Variants in UPP2 observed in about 807,000 individuals in gnomAD.
The protein encoded by UPP2 is UPase 2.
In UPP2, 23 loss-of-function variants were observed where a neutral mutation model predicts 26.7. The ratio of observed to expected loss-of-function variants is 0.86; its 90% confidence interval spans 0.62 to 1.22. UPP2 has a LOEUF of 1.22. Among genes scored for constraint, UPP2 ranks in the 50% most tolerant of loss-of-function variants. UPP2 has a pLI of 0.00. For synonymous variants in UPP2, 127 were observed against 141.3 expected (o/e 0.90, Z 0.72); for missense variants, 387 against 396.7 (o/e 0.98, Z 0.21).
Position 158,094,670 on chromosome 2 carries a change from A to C in UPP2, c.148-7370A>C, listed in dbSNP as rs544341989. On this transcript the variant is annotated intron_variant, in intron 3 of 9. Coordinates refer to the UPP2 transcript ENST00000605860. The stretch of plus-strand genomic sequence containing the variant: ...ACTCAGCTAAACCTAAATTAGAATC[A>C]GTCAGCTTTGAAATTTCATGACTTT... Among the ~76,000 whole-genome samples the C allele has an allele frequency of 1.2e-4, 19 of 152,346 alleles. No individual in the cohort carries two copies. In the South Asian group the frequency reaches 3.7e-3, roughly 30 times the overall value.
intron 3 of UPP2, among the ~76,000 whole-genome samples, chr2:158,021,801 T>C (rs1683756595): frequency 6.6e-6 from 1 of 152,120 alleles, no homozygotes. Flanking sequence ...TGGGGAGACA[T>C]AAAAGACAAA....
intron 1 of UPP2, among the ~76,000 whole-genome samples, chr2:158,105,569 T>C (rs1410807766): frequency 6.6e-6 from 1 of 152,238 alleles, no homozygotes; most frequent in African/African-American, 2.4e-5. Context: ...CTGATTGTTA[T>C]GCATGCTACA....
intron 3 of UPP2, among the ~76,000 whole-genome samples, chr2:158,091,021 G>A (rs1199106999): frequency 6.6e-6 from 1 of 152,180 alleles, no homozygotes; most frequent in Non-Finnish European, 1.5e-5. Context: ...TTGTCTCTGT[G>A]GCACGTGGGT....
At chr2:158,038,913 A>G (rs951637831) in intron 3 of UPP2, among the ~76,000 whole-genome samples, 3 of 152,196 alleles carry the variant, frequency 2.0e-5, no homozygotes, top group Non-Finnish European at 4.4e-5. Context: ...CGGGGCATCC[A>G]TAATTTTCCC....
At chr2:158,068,752 GCATT>G (rs1232731711) in intron 3 of UPP2, among the ~76,000 whole-genome samples, 29 of 104,752 alleles carry the variant, frequency 2.8e-4, no homozygotes, top group African/African-American at 7.7e-4. Context: ...CTTCCTTAAA[GCATT>G]CAAATTCAAA....
intron 3 of UPP2, among the ~76,000 whole-genome samples, chr2:158,068,463 C>A (rs1202240618): frequency 6.6e-6 from 1 of 151,846 alleles, no homozygotes; most frequent in East Asian, 1.9e-4. Context: ...TACAAACAGC[C>A]CAAATTCAAA....
intron 5 of UPP2, among the ~76,000 whole-genome samples, chr2:158,123,499 G>C (rs1284203009): frequency 6.6e-6 from 1 of 152,144 alleles, no homozygotes; most frequent in East Asian, 1.9e-4. Flanking sequence ...CCACTCAACA[G>C]TTACTGACCC....
chr2:158,083,867 T>TATATA (rs1553467792), intron 3 of UPP2, among the ~76,000 whole-genome samples: 55 of 145,876 alleles, frequency 3.8e-4, no homozygotes, highest in African/African-American at 1.2e-3. Context: ...TATATGTTTT[T>TATATA]TATATATATA....
chr2:158,060,049 C>G (rs75176344), intron 3 of UPP2, among the ~76,000 whole-genome samples: 3,797 of 152,142 alleles, frequency 0.025, 158 homozygotes, highest in African/African-American at 0.087. Context: ...ATTAAATGCA[C>G]GCTATTTTCA....
At position 157,995,880 on chromosome 2, in the gene UPP2, ATTG is replaced by A. The variant is rs368575939; in HGVS notation, c.61+626_61+628del. ...CTGTGTTTTTTTTTCTATGAAGTCC[ATTG>A]TTGTAAAAAAATCTGATTATTTTCT... On this transcript the variant is annotated intron_variant, in intron 2 of 9. Transcript: ENST00000605860. 2.6e-3 allele frequency among the ~76,000 whole-genome samples: 396 copies of A among 152,042 alleles called. 4 individuals carry two copies. The highest frequency in any genetic ancestry group is 8.5e-3 in the African/African-American group (351 of 41,490).
At chr2:158,105,308 A>C (rs1014093224) in intron 1 of UPP2, among the ~76,000 whole-genome samples, 1 of 152,104 alleles carries the variant, frequency 6.6e-6, no homozygotes, top group African/African-American at 2.4e-5. Flanking sequence ...AAGAAAAGGG[A>C]GGAAGGATTG....
chr2:158,012,105 G>C (rs1683588470), intron 2 of UPP2, among the ~76,000 whole-genome samples: 1 of 151,960 alleles, frequency 6.6e-6, no homozygotes, highest in Admixed American at 6.6e-5. Flanking sequence ...CTCACTCTCT[G>C]AGCCTCCCTG....
At chr2:158,062,882 G>A (rs1333634416) in intron 3 of UPP2, among the ~76,000 whole-genome samples, 1 of 152,182 alleles carries the variant, frequency 6.6e-6, no homozygotes, top group Non-Finnish European at 1.5e-5. Flanking sequence ...TTTATGAGAG[G>A]TGTGAAACTT....
At chr2:158,019,295 G>A (rs1683709447) in intron 3 of UPP2, among the ~76,000 whole-genome samples, 1 of 152,148 alleles carries the variant, frequency 6.6e-6, no homozygotes, top group Non-Finnish European at 1.5e-5. Context: ...AAAGAGGCAA[G>A]TTGGTGGGAT....
Position 158,113,409 on chromosome 2 carries a change from A to C in UPP2, c.181-1692A>C, listed in dbSNP as rs138227017. ...CTAAGAATTATCAATAACTAGTTTA[A>C]AACTCACCTGAAACCATGGTCTTAA... is the stretch of plus-strand genomic sequence containing the variant. On this transcript the variant is annotated intron_variant, in intron 2 of 6. Coordinates refer to ENST00000005756, the MANE Select transcript of UPP2 (RefSeq NM_173355.4). Among the ~76,000 whole-genome samples, 120 of 152,350 alleles carry C rather than the reference A, an allele frequency of 7.9e-4. 2 individuals are homozygous for C. The highest frequency in any genetic ancestry group is 2.6e-3 in the African/African-American group (109 of 41,582).
intron 3 of UPP2, among the ~76,000 whole-genome samples, chr2:158,072,768 G>T (rs76028854): frequency 6.6e-6 from 1 of 152,134 alleles, no homozygotes; most frequent in Non-Finnish European, 1.5e-5. Flanking sequence ...AGAACACCAA[G>T]GTGGTAACTC....
At chr2:158,120,066 G>C (rs919055350) in intron 4 of UPP2, among the ~76,000 whole-genome samples, 4 of 151,382 alleles carry the variant, frequency 2.6e-5, no homozygotes, top group Admixed American at 2.6e-4. Flanking sequence ...ACCCAACAAG[G>C]CTCTATTATC....
At chr2:158,131,735 T>C (rs976718218) in intron 6 of UPP2, among the ~76,000 whole-genome samples, 10 of 152,190 alleles carry the variant, frequency 6.6e-5, no homozygotes, top group Admixed American at 5.9e-4. Flanking sequence ...CTGCCTAATC[T>C]GAGGATTTTG....
intron 2 of UPP2, among the ~76,000 whole-genome samples, chr2:157,995,627 TA>T (rs75924410): frequency 2.0e-5 from 3 of 151,014 alleles, no homozygotes; most frequent in Admixed American, 6.6e-5. Context: ...ACATAATTTT[TA>T]AAAAAAAATA....
Sources: gnomAD v4.1 joint callset for allele counts (sites outside exome capture counted in the v4.1 genomes callset) on GRCh38, gnomAD v4.1.1 for gene constraint, MANE v1.5 for transcripts, NCBI Gene and HGNC (gene_info 2026-07-23, HGNC 2026-07-21) for gene names.